AKAP13: variants seen among roughly 807,000 people sequenced by gnomAD.
AKAP13 encodes the protein A-kinase anchoring protein 13, also known as A-kinase anchor protein 13.
Under a neutral mutation model 264.5 loss-of-function variants are expected in AKAP13, and 80 were observed. The observed-to-expected ratio is 0.30, with a 90% CI of 0.25 to 0.36. AKAP13 has a LOEUF of 0.36. Ranked by LOEUF, AKAP13 falls within the 10% of genes least tolerant of loss-of-function variation. AKAP13 has a pLI of 1.00. For missense variants in AKAP13, 3,712 were observed against 3,435.2 expected (o/e 1.08, Z -2.01); for synonymous variants, 1,380 against 1,250.2 (o/e 1.10, Z -2.19).
chr15:85,549,584 T>C (rs936803607), intron 5 of AKAP13, among the ~76,000 whole-genome samples: 4 of 152,170 alleles, frequency 2.6e-5, no homozygotes, highest in East Asian at 1.9e-4. Flanking sequence ...GGGAGAAATA[T>C]GGAGGCTCAG....
rs1304515633 is a variant in AKAP13, at chr15:85,724,904, G to A, written c.6746-1506G>A. Among the ~76,000 whole-genome samples, 1 of 152,054 alleles carries A rather than the reference G, an allele frequency of 6.6e-6. No individual in the cohort carries two copies. The highest frequency in any genetic ancestry group is 1.5e-5 in the Non-Finnish European group (1 of 68,018). ...CCACCAGCTGGCTGTGTATTTCATG[G>A]TTCTGTGATAAACTTAAACTAAGGC... On this transcript the variant is annotated intron_variant, in intron 26 of 36. Coordinates refer to ENST00000394518, the MANE Select transcript of AKAP13 (RefSeq NM_007200.5). This position sits in a 1 kb window ranked among gnomAD's most constrained non-coding sequence, Gnocchi z 4.2.
At chr15:85,478,923 C>T (rs1433343187) in intron 1 of AKAP13, among the ~76,000 whole-genome samples, 1 of 152,032 alleles carries the variant, frequency 6.6e-6, no homozygotes, top group Non-Finnish European at 1.5e-5. Flanking sequence ...TCTTTCTGGT[C>T]CTGGGAATGA....
chr15:85,543,764 A>G lies in AKAP13; in HGVS notation c.479-8A>G, dbSNP rs556168801. The G allele has an allele frequency of 2.6e-5, 41 of 1,592,982 alleles. 1 individual carries two copies. In the South Asian group the frequency reaches 4.4e-4, roughly 17 times the overall value. ...CTCACTTACGTTCATTTTCTCCCCC[A>G]TTTACAGATGCTGGCCCGCGAGAGA... On this transcript the variant is annotated splice_polypyrimidine_tract_variant and splice_region_variant and intron_variant, in intron 4 of 36. Transcript: ENST00000394518.
Position 85,745,459 on chromosome 15 carries a change from A to G in AKAP13, c.*782A>G, listed in dbSNP as rs541084047. On this transcript the variant is annotated 3_prime_UTR_variant, in exon 37 of 37. Transcript: ENST00000394518. ...ATCTCATTCTGTCATCAGATCCAGA[A>G]GAAATATCCTGGTTTTCCAGCATGT... 6.6e-6 allele frequency: 1 copy of G among 152,328 alleles called. No homozygotes were observed. The highest frequency in any genetic ancestry group is 1.9e-4 in the East Asian group (1 of 5,188). 9.4% of individuals were successfully genotyped at this position (152,328 alleles called of 1,614,324 possible). A position where few individuals can be genotyped will look rare whatever the true frequency, so the allele number is the denominator to read the frequency against.
intron 8 of AKAP13, among the ~76,000 whole-genome samples, chr15:85,636,252 A>C (rs1018771387): frequency 6.6e-6 from 1 of 152,124 alleles, no homozygotes; most frequent in African/African-American, 2.4e-5. Context: ...GTGTCTGGCA[A>C]CCTTGCTTTT....
chr15:85,715,257 T>G (rs947203213), intron 19 of AKAP13, among the ~76,000 whole-genome samples: 6 of 152,164 alleles, frequency 3.9e-5, no homozygotes, highest in African/African-American at 1.2e-4. Flanking sequence ...ACTTGGAAAG[T>G]GTCCTTATTT....
intron 12 of AKAP13, among the ~76,000 whole-genome samples, chr15:85,659,423 C>T (rs181584801): frequency 6.6e-6 from 1 of 152,270 alleles, no homozygotes; most frequent in Non-Finnish European, 1.5e-5. Context: ...ATCTTTCCTA[C>T]TTTGTCTTTT....
intron 1 of AKAP13, among the ~76,000 whole-genome samples, chr15:85,456,166 GAA>G (rs1234733044): frequency 6.6e-6 from 1 of 152,180 alleles, no homozygotes; most frequent in Non-Finnish European, 1.5e-5. Context: ...TTGGAGTAAA[GAA>G]TCATACCCTT....
At chr15:85,620,513 C>T (rs1014045496) in intron 8 of AKAP13, among the ~76,000 whole-genome samples, 7 of 152,058 alleles carry the variant, frequency 4.6e-5, no homozygotes, top group Non-Finnish European at 8.8e-5. Context: ...GTCACCCCTC[C>T]GCCCCCAGAC....
intron 1 of AKAP13, among the ~76,000 whole-genome samples, chr15:85,390,230 G>C (rs2070787709): frequency 6.6e-6 from 1 of 152,220 alleles, no homozygotes; most frequent in Non-Finnish European, 1.5e-5. Context: ...AAATAAACGA[G>C]TGAACAAACA....
At chr15:85,484,698 G>T (rs1484668312) in intron 1 of AKAP13, among the ~76,000 whole-genome samples, 2 of 152,150 alleles carry the variant, frequency 1.3e-5, no homozygotes, top group East Asian at 1.9e-4. Context: ...TATCGAGATG[G>T]TTCTGTTATT....
At chr15:85,427,685 T>C (rs919031630) in intron 1 of AKAP13, among the ~76,000 whole-genome samples, 3 of 152,234 alleles carry the variant, frequency 2.0e-5, no homozygotes, top group African/African-American at 7.2e-5. Flanking sequence ...AGGCCAATTA[T>C]AGAATTAATT....
intron 8 of AKAP13, among the ~76,000 whole-genome samples, chr15:85,612,768 G>A (rs1168521931): frequency 1.3e-5 from 2 of 150,274 alleles, no homozygotes; most frequent in African/African-American, 4.9e-5. Flanking sequence ...AGGTTGTGGT[G>A]AGCCAAGATT....
chr15:85,567,324 T>C (rs1035950102), intron 5 of AKAP13, among the ~76,000 whole-genome samples: 25 of 152,134 alleles, frequency 1.6e-4, no homozygotes, highest in Non-Finnish European at 1.5e-4. Flanking sequence ...GCCAGGATGG[T>C]CTGGATCTCT....
chr15:85,590,850 T>A (rs2079551973), intron 8 of AKAP13, among the ~76,000 whole-genome samples: 1 of 152,174 alleles, frequency 6.6e-6, no homozygotes, highest in Non-Finnish European at 1.5e-5. Context: ...TTAATATATA[T>A]CAAGTACTTA....
In AKAP13 at chr15:85,399,533, AAAAAATAAAT is replaced by A. The variant is rs1567038720; in HGVS notation, c.-12+18739_-12+18748del. ...AAAAAAAAAAAAAAATAAAAAAATAAAAAAATAAATAAATAAATAAATAAAGTTTTAGATG... is the reference window on the plus strand; with the variant it reads ...AAAAAAAAAAAAAAATAAAAAAATAAAAATAAATAAATAAAGTTTTAGATG... On this transcript the variant is annotated intron_variant, in intron 1 of 36. Transcript: ENST00000394518. 5.2e-3 allele frequency among the ~76,000 whole-genome samples: 433 copies of A among 83,446 alleles called. 12 individuals are homozygous for A. The highest frequency in any genetic ancestry group is 0.015 in the African/African-American group (419 of 27,574). 54.7% of individuals were successfully genotyped at this position (83,446 alleles called of 152,430 possible).
At chr15:85,525,012 G>A (rs1246902936) in intron 3 of AKAP13, among the ~76,000 whole-genome samples, 1 of 151,852 alleles carries the variant, frequency 6.6e-6, no homozygotes, top group East Asian at 1.9e-4. Context: ...ACATCTTAGA[G>A]GGCAGGTACG....
At chr15:85,482,834 C>T (rs962484273) in intron 1 of AKAP13, among the ~76,000 whole-genome samples, 1 of 152,156 alleles carries the variant, frequency 6.6e-6, no homozygotes, top group African/African-American at 2.4e-5. Flanking sequence ...CTGAAAGCAA[C>T]CTGAATTTAC....
chr15:85,442,514 ATATAT>A (rs1299134361), intron 1 of AKAP13, among the ~76,000 whole-genome samples: 59 of 111,444 alleles, frequency 5.3e-4, no homozygotes, highest in Non-Finnish European at 7.1e-4. Flanking sequence ...TATATATAAT[ATATAT>A]TATATTATAT....
Sources: allele counts gnomAD v4.1 joint callset (sites outside exome capture counted in the v4.1 genomes callset), GRCh38; gene constraint gnomAD v4.1.1; non-coding constraint Gnocchi (gnomAD v3.1); transcripts MANE v1.5; gene names NCBI Gene and HGNC (gene_info 2026-07-23, HGNC 2026-07-21).